The following MTMR12 variants were observed in gnomAD, a reference collection of about 807,000 sequenced individuals.
MTMR12 encodes myotubularin related protein 12.
A neutral mutation model predicts 96.7 loss-of-function variants in MTMR12; 33 were observed. The observed-to-expected ratio is 0.34, with a 90% confidence interval of 0.26 to 0.46. The LOEUF is 0.46. Among genes scored for constraint, MTMR12 ranks in the 20% least tolerant of loss-of-function variants. The probability of loss-of-function intolerance (pLI) is 1.00; values close to 1 mark genes in which losing one functional copy is unlikely to be tolerated. For missense variants in MTMR12, 721 were observed against 896.1 expected (o/e 0.80, Z 2.49); for synonymous variants, 298 against 327.2 (o/e 0.91, Z 0.96).
chr5:32,298,904 G>C (rs1751024791), intron 1 of MTMR12, among the ~76,000 whole-genome samples: 1 of 145,000 alleles, frequency 6.9e-6, no homozygotes, highest in African/African-American at 2.6e-5. Context: ...AGTGAGCCGA[G>C]ATCGCGCCAC....
chr5:32,252,452 A>G (rs991312364), intron 8 of MTMR12, among the ~76,000 whole-genome samples: 6 of 152,336 alleles, frequency 3.9e-5, no homozygotes, highest in Non-Finnish European at 8.8e-5. Flanking sequence ...TTAGCTTCCT[A>G]TGCACCTACT....
At chr5:32,295,127 C>T (rs567431427) in intron 1 of MTMR12, among the ~76,000 whole-genome samples, 5 of 152,346 alleles carry the variant, frequency 3.3e-5, no homozygotes, top group African/African-American at 1.2e-4. Context: ...CTGCTGGTAC[C>T]CCACTCCTGG....
chr5:32,239,665 C>T (rs1177075104), intron 12 of MTMR12, among the ~76,000 whole-genome samples: 2 of 152,358 alleles, frequency 1.3e-5, no homozygotes, highest in East Asian at 1.9e-4. Flanking sequence ...TCACCTCAGA[C>T]ATCCCTTCCT....
intron 10 of MTMR12, among the ~76,000 whole-genome samples, chr5:32,244,415 C>T (rs1466234142): frequency 6.6e-6 from 1 of 151,628 alleles, no homozygotes; most frequent in Non-Finnish European, 1.5e-5. Context: ...CACAGAGAAA[C>T]CCCGTCTCTA....
chr5:32,305,690 G>C (rs1490057541), intron 1 of MTMR12, among the ~76,000 whole-genome samples: 1 of 152,158 alleles, frequency 6.6e-6, no homozygotes, highest in East Asian at 1.9e-4. Flanking sequence ...GATCACCTGA[G>C]GTTGGGAGTT....
intron 8 of MTMR12, among the ~76,000 whole-genome samples, chr5:32,250,194 T>C (rs1040571705): frequency 2.0e-5 from 3 of 152,126 alleles, no homozygotes; most frequent in Admixed American, 2.0e-4. Context: ...TCAGCACATA[T>C]TGGGTGTCTA....
intron 1 of MTMR12, among the ~76,000 whole-genome samples, chr5:32,277,701 A>AAAAAAGAAAAG (rs1554061338): frequency 4.6e-5 from 7 of 151,744 alleles, no homozygotes; most frequent in African/African-American, 1.7e-4. Flanking sequence ...TGTCTCAAAA[A>AAAAAAGAAAAG]AAAAAGAAAA....
chr5:32,267,636 C>T (rs1749653489), intron 6 of MTMR12, among the ~76,000 whole-genome samples: 2 of 152,088 alleles, frequency 1.3e-5, no homozygotes, highest in Admixed American at 1.3e-4. Flanking sequence ...TGTCCCATTT[C>T]CCCTAAAATA....
At chr5:32,282,592 A>G (rs1750345705) in intron 1 of MTMR12, among the ~76,000 whole-genome samples, 1 of 152,120 alleles carries the variant, frequency 6.6e-6, no homozygotes, top group Non-Finnish European at 1.5e-5. Flanking sequence ...AACCATCATC[A>G]CCACTATCAA....
intron 7 of MTMR12, among the ~76,000 whole-genome samples, chr5:32,257,770 A>AC (rs1749197618): frequency 6.6e-6 from 1 of 150,556 alleles, no homozygotes. Context: ...TCTGTCTCAA[A>AC]AAAACAAACA....
At chr5:32,298,651 A>C (rs568114848) in intron 1 of MTMR12, among the ~76,000 whole-genome samples, 1 of 152,200 alleles carries the variant, frequency 6.6e-6, no homozygotes, top group East Asian at 1.9e-4. Context: ...AGAGTGCCAG[A>C]GAAGAACAAT....
intron 10 of MTMR12, among the ~76,000 whole-genome samples, chr5:32,244,478 C>A (rs534729329): frequency 1.4e-4 from 22 of 152,252 alleles, no homozygotes; most frequent in African/African-American, 5.3e-4. Flanking sequence ...GTAATCCCAG[C>A]CACTTGGGAG....
chr5:32,280,836 C>T (rs1750261738), intron 1 of MTMR12, among the ~76,000 whole-genome samples: 1 of 152,112 alleles, frequency 6.6e-6, no homozygotes, highest in African/African-American at 2.4e-5. Context: ...GAGATACATA[C>T]ATAACTTCGG....
rs115010867 is a variant in MTMR12, at chr5:32,249,839, A to C, written c.790-961T>G. ...CCAGTGGAAGCTAGAATGGAGAAGA[A>C]AGACAGACTGGTTGGACGGGTGAGT... On this transcript the variant is annotated intron_variant, in intron 8 of 15. Transcript: ENST00000382142. Among the ~76,000 whole-genome samples, 534 of 152,332 alleles carry C rather than the reference A, an allele frequency of 3.5e-3. 2 individuals carry two copies. The highest frequency in any genetic ancestry group is 0.012 in the African/African-American group (505 of 41,568).
intron 13 of MTMR12, among the ~76,000 whole-genome samples, chr5:32,236,838 CA>C (rs111843533): frequency 0.012 from 1,454 of 117,056 alleles, 21 homozygotes; most frequent in African/African-American, 0.033. Flanking sequence ...ACTCCTTCTC[CA>C]AAAAAAAAAA....
chr5:32,250,179 T>TG (rs1169734331), intron 8 of MTMR12, among the ~76,000 whole-genome samples: 1 of 152,136 alleles, frequency 6.6e-6, no homozygotes, highest in East Asian at 1.9e-4. Context: ...GGGAAGGTGA[T>TG]GGAATCAGCA....
intron 13 of MTMR12, 37 bp downstream of exon 13, chr5:32,238,964 C>T (rs1254413222): frequency 6.6e-7 from 1 of 1,525,644 alleles, no homozygotes; most frequent in Non-Finnish European, 8.9e-7. Context: ...CAGTAGTTCT[C>T]CCTATGACGG....
At chr5:32,272,673 G>A (rs907461292) in intron 3 of MTMR12, among the ~76,000 whole-genome samples, 4 of 152,012 alleles carry the variant, frequency 2.6e-5, no homozygotes, top group African/African-American at 9.7e-5. Context: ...GCCACCGCGC[G>A]TGGTCCAGAA....
intron 1 of MTMR12, among the ~76,000 whole-genome samples, chr5:32,311,508 C>G (rs971109893): frequency 2.6e-5 from 4 of 152,216 alleles, no homozygotes; most frequent in Non-Finnish European, 5.9e-5. Flanking sequence ...CCACAGCCCA[C>G]GTGCTTCTGC....
Sources: gnomAD v4.1 joint callset for allele counts (sites outside exome capture counted in the v4.1 genomes callset) on GRCh38, gnomAD v4.1.1 for gene constraint, MANE v1.5 for transcripts, NCBI Gene and HGNC (gene_info 2026-07-23, HGNC 2026-07-21) for gene names.